The following CALD1 variants were observed in gnomAD, a reference collection of about 807,000 sequenced individuals.
CALD1 encodes caldesmon 1.
CALD1 carries 33 observed loss-of-function variants against 99.9 expected under a neutral mutation model. The observed-to-expected ratio is 0.33, with a 90% confidence interval of 0.25 to 0.44. The LOEUF (loss-of-function observed/expected upper bound fraction) is 0.44, where lower values mean the gene tolerates loss of function less well. CALD1 is among the 20% of genes least tolerant of loss of function. The pLI is 1.00. For synonymous variants in CALD1, 310 were observed against 325.0 expected (o/e 0.95, Z 0.50); for missense variants, 861 against 962.1 (o/e 0.89, Z 1.39).
At chr7:134,727,227 C>T in the CALD1 span, among the ~76,000 whole-genome samples, 1 of 152,198 alleles carries the variant, frequency 6.6e-6, no homozygotes, top group East Asian at 1.9e-4. Flanking sequence ...TAGTAATTGA[C>T]AAAGATCTGT....
At chr7:134,930,996 G>A (rs1261676370) in intron 4 of CALD1, among the ~76,000 whole-genome samples, 1 of 152,076 alleles carries the variant, frequency 6.6e-6, no homozygotes, top group African/African-American at 2.4e-5. Context: ...CTGGTGATCT[G>A]TAGTTTTCTT....
At chr7:134,753,278 A>G (rs2131569168) in intron 1 of CALD1, among the ~76,000 whole-genome samples, 1 of 152,234 alleles carries the variant, frequency 6.6e-6, no homozygotes, top group East Asian at 1.9e-4. Flanking sequence ...AAATAATGAG[A>G]GCAGCCACCT....
chr7:134,839,361 G>T (rs1444756821), intron 1 of CALD1, among the ~76,000 whole-genome samples: 1 of 152,122 alleles, frequency 6.6e-6, no homozygotes, highest in African/African-American at 2.4e-5. Context: ...TAATAGTACT[G>T]CTATGAACAT....
chr7:134,869,692 G>A (rs1398123453), intron 3 of CALD1, among the ~76,000 whole-genome samples: 1 of 152,174 alleles, frequency 6.6e-6, no homozygotes, highest in Non-Finnish European at 1.5e-5. Flanking sequence ...ACATCCAAAA[G>A]GGGATTTCCT....
chr7:134,823,266 C>T (rs1278558468), intron 1 of CALD1, among the ~76,000 whole-genome samples: 4 of 152,156 alleles, frequency 2.6e-5, no homozygotes, highest in Admixed American at 6.5e-5. Flanking sequence ...TCATTTTGAC[C>T]GTACCCACAG....
At chr7:134,923,343 C>A (rs1804754250) in intron 3 of CALD1, among the ~76,000 whole-genome samples, 1 of 152,082 alleles carries the variant, frequency 6.6e-6, no homozygotes, top group African/African-American at 2.4e-5. Context: ...TTGTGGATTG[C>A]CAGTTTTTTT....
intron 3 of CALD1, among the ~76,000 whole-genome samples, chr7:134,887,726 ATG>A (rs1051559578): frequency 2.3e-5 from 3 of 132,980 alleles, no homozygotes; most frequent in African/African-American, 5.6e-5. Flanking sequence ...GCATGCGTAT[ATG>A]TGTTTGCCTG....
intron 3 of CALD1, among the ~76,000 whole-genome samples, chr7:134,913,517 AAC>A (rs1803976856): frequency 6.6e-6 from 1 of 152,240 alleles, no homozygotes; most frequent in South Asian, 2.1e-4. Flanking sequence ...ACATTTAAAT[AAC>A]ACTACATGTA....
At chr7:134,742,153 A>G (rs1796597542), upstream of CALD1, among the ~76,000 whole-genome samples, 1 of 152,120 alleles carries the variant, frequency 6.6e-6, no homozygotes, top group Non-Finnish European at 1.5e-5. Context: ...TTAAATTTCA[A>G]AAGTCTGTGC....
rs376074647 is a variant in CALD1, at chr7:134,934,063, G to T, written c.1294G>T (p.Val432Phe). The change falls in exon 5 of 15, where the codon GTC becomes TTC. Residue 432 changes from valine to phenylalanine, a missense_variant. Val to Phe is a conservative substitution (Grantham distance 50). Transcript: ENST00000361675. ...ACAAGAAGATAAACTTCAGACAGCTGTCCTAAAGAAACAGGTACAGTAAAC... is the reference window on the plus strand; with the variant it reads ...ACAAGAAGATAAACTTCAGACAGCTTTCCTAAAGAAACAGGTACAGTAAAC... ...KAQEDKLQTA[V>F]LKKQGEEKGT... The T allele has an allele frequency of 1.7e-5, 27 of 1,608,164 alleles. No individual in the cohort carries two copies. The highest frequency in any genetic ancestry group is 2.2e-5 in the Non-Finnish European group (26 of 1,178,198).
chr7:134,873,204 C>G (rs1801183224), intron 3 of CALD1, among the ~76,000 whole-genome samples: 1 of 146,836 alleles, frequency 6.8e-6, no homozygotes, highest in Non-Finnish European at 1.5e-5. Flanking sequence ...ACAAACAAAA[C>G]AAAAAAAACC....
intron 9 of CALD1, among the ~76,000 whole-genome samples, chr7:134,952,563 C>A (rs1299587802): frequency 6.6e-6 from 1 of 151,758 alleles, no homozygotes; most frequent in Non-Finnish European, 1.5e-5. Flanking sequence ...TTCCGCCTCC[C>A]AGGTTCAAGC....
chr7:134,946,097 T>A (rs1348229788), intron 7 of CALD1, among the ~76,000 whole-genome samples: 1 of 152,114 alleles, frequency 6.6e-6, no homozygotes, highest in Non-Finnish European at 1.5e-5. Context: ...CTACAAGACT[T>A]TTGAACTCAT....
chr7:134,864,392 CT>C (rs1800708154), intron 2 of CALD1, among the ~76,000 whole-genome samples: 1 of 131,034 alleles, frequency 7.6e-6, no homozygotes, highest in Admixed American at 8.0e-5. Flanking sequence ...GATTTGAAAT[CT>C]TTTTTCTTTC....
At chr7:134,774,263 G>A (rs1796900258) in intron 1 of CALD1, among the ~76,000 whole-genome samples, 1 of 152,116 alleles carries the variant, frequency 6.6e-6, no homozygotes, top group Non-Finnish European at 1.5e-5. Flanking sequence ...TCAAATGTCT[G>A]TGAGTTTAGG....
chr7:134,749,968 A>T (rs1354981398), intron 1 of CALD1, among the ~76,000 whole-genome samples: 1 of 152,108 alleles, frequency 6.6e-6, no homozygotes, highest in Non-Finnish European at 1.5e-5. Flanking sequence ...GAACCATAGA[A>T]ACTTCAGGGA....
Position 134,941,184 on chromosome 7 carries a change from G to A in CALD1, c.1479G>A (p.Ser493=), listed in dbSNP as rs758682592. The change falls in exon 7 of 15, where the codon TCG becomes TCA. Residue 493 remains serine (S), a synonymous_variant. Coordinates refer to ENST00000361675, the MANE Select transcript of CALD1 (RefSeq NM_033138.4). Reference sequence around the variant, plus strand: ...AGAAGGGATTTACAGAAGTTAAGTCGCAGAATGGAGAATTCATGACCCACA... The same window carrying A: ...AGAAGGGATTTACAGAAGTTAAGTCACAGAATGGAGAATTCATGACCCACA... ...DRKKGFTEVK[S]QNGEFMTHKL... 16 of 1,612,624 alleles carry A rather than the reference G, an allele frequency of 9.9e-6. No homozygotes were observed. The highest frequency in any genetic ancestry group is 1.1e-5 in the Non-Finnish European group (13 of 1,179,360).
intron 4 of CALD1, 74 bp downstream of exon 4, chr7:134,928,974 G>C (rs754091253): frequency 3.8e-6 from 5 of 1,323,570 alleles, no homozygotes; most frequent in Non-Finnish European, 5.2e-6. Context: ...TTGTTGAGCA[G>C]AGCATTCCTT....
At chr7:134,731,941 T>G in the CALD1 span, among the ~76,000 whole-genome samples, 1 of 152,214 alleles carries the variant, frequency 6.6e-6, no homozygotes, top group African/African-American at 2.4e-5. Context: ...TTTCTATTCA[T>G]CAAAATTTTT....
Sources: allele counts gnomAD v4.1 joint callset (sites outside exome capture counted in the v4.1 genomes callset), GRCh38; gene constraint gnomAD v4.1.1; transcripts MANE v1.5; gene names NCBI Gene and HGNC (gene_info 2026-07-23, HGNC 2026-07-21).